The following CADPS variants were observed in gnomAD, a reference collection of about 807,000 sequenced individuals.
CADPS encodes calcium-dependent secretion activator 1.
In CADPS, 57 loss-of-function variants were observed where a neutral mutation model predicts 167.3. The observed-to-expected ratio is 0.34, with a 90% CI of 0.28 to 0.42. The LOEUF is 0.42. CADPS is among the 20% of genes least tolerant of loss of function. CADPS has a pLI of 1.00. For missense variants in CADPS, 1,414 were observed against 1,738.1 expected, an observed-to-expected ratio of 0.81 and a Z score of 3.32; for synonymous variants, 676 against 635.3, an observed-to-expected ratio of 1.06 and a Z score of -0.96.
chr3:62,735,700 T>A (rs1575633957), intron 3 of CADPS, among the ~76,000 whole-genome samples: 1 of 152,290 alleles, frequency 6.6e-6, no homozygotes, highest in East Asian at 1.9e-4. Context: ...GCCAATGGGA[T>A]CTGAGCAGAG....
rs1351155939 is a variant in CADPS at position 62,874,348 on chromosome 3, A to T, written c.441+241T>A. 1.3e-5 allele frequency among the ~76,000 whole-genome samples: 2 copies of T among 152,232 alleles called. No homozygotes were observed. The highest frequency in any genetic ancestry group is 3.9e-4 in the East Asian group (2 of 5,116). ...GCTCCCGGGCTGGGGGGGCTCGAGC[A>T]AGCGGCGCTGCGCTCCGCGGCCCTC... On this transcript the variant is annotated intron_variant, in intron 1 of 29. Coordinates refer to ENST00000383710, the MANE Select transcript of CADPS (RefSeq NM_003716.4). The surrounding 1 kb of genome is among the most constrained non-coding windows in gnomAD (Gnocchi z 7.1).
intron 11 of CADPS, among the ~76,000 whole-genome samples, chr3:62,540,625 G>T: frequency 6.6e-6 from 1 of 152,108 alleles, no homozygotes; most frequent in East Asian, 1.9e-4. Flanking sequence ...CATTCAGATT[G>T]TCTGCCTGTG....
At chr3:62,869,771 T>C (rs1242098018) in intron 1 of CADPS, among the ~76,000 whole-genome samples, 2 of 152,172 alleles carry the variant, frequency 1.3e-5, no homozygotes, top group Non-Finnish European at 2.9e-5. Context: ...GTGCAATGAG[T>C]AACTGGTCAG....
intron 3 of CADPS, among the ~76,000 whole-genome samples, chr3:62,717,025 C>A (rs911960683): frequency 6.6e-6 from 1 of 152,128 alleles, no homozygotes; most frequent in Admixed American, 6.5e-5. Flanking sequence ...GGTGGCAGGG[C>A]AGTTTTCTCT....
chr3:62,732,849 G>T (rs867538155), intron 3 of CADPS, among the ~76,000 whole-genome samples: 21 of 152,322 alleles, frequency 1.4e-4, no homozygotes, highest in Admixed American at 7.8e-4. Context: ...AGAGAAGGCA[G>T]GAAGTGAGGA....
rs184374114 is a variant in CADPS at position 62,775,409 on chromosome 3, G to A, written c.442-9425C>T. 1.2e-3 allele frequency among the ~76,000 whole-genome samples: 181 copies of A among 152,170 alleles called. 5 individuals carry two copies. In the South Asian group the frequency reaches 0.037, roughly 31 times the overall value. Reference sequence around the variant, plus strand: ...ATTGGTCATATCAAAAATGAATTCAGTGAGTTATGTTAATTTTCCAAATGT... The same window carrying A: ...ATTGGTCATATCAAAAATGAATTCAATGAGTTATGTTAATTTTCCAAATGT... On this transcript the variant is annotated intron_variant, in intron 1 of 29. Transcript: ENST00000383710.
intron 24 of CADPS, among the ~76,000 whole-genome samples, chr3:62,467,871 G>C (rs546094007): frequency 2.3e-4 from 35 of 152,192 alleles, no homozygotes; most frequent in African/African-American, 8.4e-4. Context: ...GTCTAGATGT[G>C]AAAATATTTT....
chr3:62,786,688 C>T (rs1347010939), intron 1 of CADPS, among the ~76,000 whole-genome samples: 1 of 151,548 alleles, frequency 6.6e-6, no homozygotes, highest in African/African-American at 2.4e-5. Flanking sequence ...CACACACAAA[C>T]ATCTTCCTAA....
intron 1 of CADPS, among the ~76,000 whole-genome samples, chr3:62,860,994 C>A (rs13092822): frequency 0.37 from 55,590 of 151,974 alleles, 11,011 homozygotes; most frequent in East Asian, 0.48. Context: ...TGTGCTTGGG[C>A]ACACTGAAAG....
chr3:62,527,649 A>G (rs2072634204), intron 13 of CADPS, among the ~76,000 whole-genome samples: 1 of 152,176 alleles, frequency 6.6e-6, no homozygotes, highest in Non-Finnish European at 1.5e-5. Context: ...AAGTTTCCAG[A>G]GCAGTTGGGA....
intron 27 of CADPS, among the ~76,000 whole-genome samples, chr3:62,443,702 T>G (rs1462630457): frequency 6.6e-6 from 1 of 152,162 alleles, no homozygotes; most frequent in Non-Finnish European, 1.5e-5. Flanking sequence ...TTGCTTCCCC[T>G]TCCGCCATGA....
intron 7 of CADPS, among the ~76,000 whole-genome samples, chr3:62,585,575 T>A (rs1279989701): frequency 6.6e-6 from 1 of 152,220 alleles, no homozygotes; most frequent in Non-Finnish European, 1.5e-5. Context: ...TTTCTAATGT[T>A]CAGACGTACT....
At chr3:62,866,880 A>G (rs80175817) in intron 1 of CADPS, among the ~76,000 whole-genome samples, 2,594 of 152,168 alleles carry the variant, frequency 0.017, 78 homozygotes, top group African/African-American at 0.058. Context: ...AAAGACATGG[A>G]TAATGTCCCC....
At chr3:62,630,874 C>A (rs2065141661) in intron 6 of CADPS, among the ~76,000 whole-genome samples, 1 of 152,090 alleles carries the variant, frequency 6.6e-6, no homozygotes, top group Non-Finnish European at 1.5e-5. Flanking sequence ...GTTTCAGTCA[C>A]CCTGACAACC....
chr3:62,600,888 G>A (rs2059858602), intron 6 of CADPS, among the ~76,000 whole-genome samples: 1 of 152,184 alleles, frequency 6.6e-6, no homozygotes, highest in African/African-American at 2.4e-5. Context: ...GGAGGTTGAG[G>A]TGGGTGGATT....
intron 16 of CADPS, among the ~76,000 whole-genome samples, 153 bp downstream of exon 16, chr3:62,515,906 A>G (rs1272500572): frequency 6.6e-6 from 1 of 152,136 alleles, no homozygotes; most frequent in African/African-American, 2.4e-5. Flanking sequence ...GGCCACAGCC[A>G]AGGAAACTTC....
chr3:62,783,523 T>C (rs971329551), intron 1 of CADPS, among the ~76,000 whole-genome samples: 6 of 152,116 alleles, frequency 3.9e-5, no homozygotes, highest in South Asian at 2.1e-4. Context: ...GTTCCTGGGG[T>C]CTGGAGCTAG....
chr3:62,649,057 G>C (rs1429013321), intron 5 of CADPS, among the ~76,000 whole-genome samples: 1 of 152,086 alleles, frequency 6.6e-6, no homozygotes, highest in African/African-American at 2.4e-5. Context: ...TTCACAGCAG[G>C]CTTTAATGAT....
At chr3:62,453,696 C>T (rs759265268) in intron 26 of CADPS, among the ~76,000 whole-genome samples, 8 of 152,164 alleles carry the variant, frequency 5.3e-5, no homozygotes, top group African/African-American at 7.2e-5. Flanking sequence ...GGCCAAGTGA[C>T]AATTACGGTG....
Sources: gnomAD v4.1 joint callset for allele counts (sites outside exome capture counted in the v4.1 genomes callset) on GRCh38, gnomAD v4.1.1 for gene constraint, Gnocchi (gnomAD v3.1) non-coding constraint, MANE v1.5 for transcripts, NCBI Gene and HGNC (gene_info 2026-07-23, HGNC 2026-07-21) for gene names.